Variants in TUSC3 observed in about 807,000 individuals in gnomAD.
TUSC3 encodes dolichyl-diphosphooligosaccharide--protein glycosyltransferase subunit TUSC3.
TUSC3 carries 45 observed loss-of-function variants against 44.8 expected under a neutral mutation model. The ratio of observed to expected loss-of-function variants is 1.00; its 90% CI spans 0.79 to 1.29. TUSC3 has a LOEUF of 1.29. Ranked by LOEUF, TUSC3 falls within the 50% of genes most tolerant of loss-of-function variation. The pLI is 0.00. For missense variants in TUSC3, 519 were observed against 437.9 expected, an observed-to-expected ratio of 1.19 and a Z score of -1.65; for synonymous variants, 212 against 152.9, an observed-to-expected ratio of 1.39 and a Z score of -2.85.
rs186911810 is a variant in TUSC3 at position 15,754,025 on chromosome 8, G to A, written c.1029-3766G>A. ...TATCCTGTGGTGAACATAGCACCAC[G>A]TTGTTAAAGAATATTTTGGTATTCC... On this transcript the variant is annotated intron_variant, in intron 9 of 10. Coordinates refer to ENST00000503731, the MANE Select transcript of TUSC3 (RefSeq NM_006765.4). 3.3e-4 allele frequency among the ~76,000 whole-genome samples: 50 copies of A among 152,148 alleles called. No homozygotes were observed. In the East Asian group the frequency reaches 6.6e-3, roughly 20 times the overall value.
At chr8:15,613,850 C>T (rs1804869468) in intron 1 of TUSC3, among the ~76,000 whole-genome samples, 1 of 152,100 alleles carries the variant, frequency 6.6e-6, no homozygotes. Context: ...GAATAGGGAG[C>T]TGAGATTCAT....
chr8:15,476,461 G>A (rs891013269), intron 1 of TUSC3, among the ~76,000 whole-genome samples: 1 of 152,152 alleles, frequency 6.6e-6, no homozygotes, highest in Non-Finnish European at 1.5e-5. Context: ...ACCAAAGTCA[G>A]TAAATTCTCA....
downstream of TUSC3, among the ~76,000 whole-genome samples, chr8:15,768,299 A>C (rs1812382629): frequency 6.6e-6 from 1 of 152,208 alleles, no homozygotes; most frequent in African/African-American, 2.4e-5. Flanking sequence ...CATAAACTGC[A>C]ATTCACAACA....
intron 1 of TUSC3, among the ~76,000 whole-genome samples, chr8:15,615,592 A>G (rs1804952616): frequency 6.6e-6 from 1 of 152,156 alleles, no homozygotes; most frequent in African/African-American, 2.4e-5. Flanking sequence ...TATACTATAT[A>G]TTTTCCAAAT....
At chr8:15,845,448 A>G in the TUSC3 span, among the ~76,000 whole-genome samples, 1 of 152,174 alleles carries the variant, frequency 6.6e-6, no homozygotes, top group African/African-American at 2.4e-5. Context: ...AGAGTGACCA[A>G]ATTACATTAG....
In TUSC3 at chr8:15,745,184, G is replaced by A. The variant is rs184611750; in HGVS notation, c.937+1572G>A. Reference sequence around the variant, plus strand: ...ATACCACATTTTCTTTATCTAGTCCGTCATTGATGTGGTATATATGTACCA... The same window carrying A: ...ATACCACATTTTCTTTATCTAGTCCATCATTGATGTGGTATATATGTACCA... On this transcript the variant is annotated intron_variant, in intron 8 of 10. Transcript: ENST00000503731. Among the ~76,000 whole-genome samples the A allele has an allele frequency of 6.9e-4, 105 of 151,988 alleles. No homozygotes were observed. In the East Asian group the frequency reaches 0.012, roughly 17 times the overall value.
At chr8:15,688,257 A>C (rs1484310244) in intron 6 of TUSC3, among the ~76,000 whole-genome samples, 1 of 152,094 alleles carries the variant, frequency 6.6e-6, no homozygotes, top group Non-Finnish European at 1.5e-5. Context: ...CTCATTTATA[A>C]CTCTACAATT....
At chr8:15,835,750 G>T in the TUSC3 span, among the ~76,000 whole-genome samples, 1 of 152,120 alleles carries the variant, frequency 6.6e-6, no homozygotes, top group South Asian at 2.1e-4. Context: ...GTATGTGTGC[G>T]TTGTGGGGTT....
chr8:15,427,390 T>C (rs1799817106), intron 1 of TUSC3, among the ~76,000 whole-genome samples: 1 of 151,938 alleles, frequency 6.6e-6, no homozygotes, highest in Admixed American at 6.6e-5. Flanking sequence ...TCTAGAATAA[T>C]AAATGGTCAT....
intron 2 of TUSC3, among the ~76,000 whole-genome samples, chr8:15,535,184 T>C (rs1415655614): frequency 6.6e-6 from 1 of 152,238 alleles, no homozygotes; most frequent in Admixed American, 6.5e-5. Context: ...GGTTAGATTC[T>C]GGAAATTAAT....
chr8:15,547,650 A>G (rs544249328), intron 1 of TUSC3, among the ~76,000 whole-genome samples: 1 of 99,540 alleles, frequency 1.0e-5, no homozygotes, highest in African/African-American at 3.5e-5. Context: ...CCTAACTTTG[A>G]GTGAGAAAGT....
At chr8:15,782,223 A>C in the TUSC3 span, among the ~76,000 whole-genome samples, 1 of 152,242 alleles carries the variant, frequency 6.6e-6, no homozygotes, top group Admixed American at 6.5e-5. Flanking sequence ...CTGTAGTCCC[A>C]GCACTTTGGG....
At chr8:15,758,920 C>A (rs1262705841) in intron 10 of TUSC3, among the ~76,000 whole-genome samples, 1 of 152,094 alleles carries the variant, frequency 6.6e-6, no homozygotes, top group Non-Finnish European at 1.5e-5. Flanking sequence ...GCCTAGATTT[C>A]TTTAGGCCTT....
At chr8:15,516,996 A>C (rs772632233) in intron 2 of TUSC3, among the ~76,000 whole-genome samples, 4 of 152,202 alleles carry the variant, frequency 2.6e-5, no homozygotes, top group Non-Finnish European at 5.9e-5. Context: ...TTTTAGAAAT[A>C]AGAAGTTCCT....
intron 1 of TUSC3, among the ~76,000 whole-genome samples, chr8:15,583,258 C>T (rs922786062): frequency 6.6e-6 from 1 of 152,178 alleles, no homozygotes; most frequent in South Asian, 2.1e-4. Context: ...TATTTGATCA[C>T]AGTGATTATA....
At chr8:15,443,275 C>T (rs547568820) in intron 1 of TUSC3, among the ~76,000 whole-genome samples, 1 of 151,526 alleles carries the variant, frequency 6.6e-6, no homozygotes, top group South Asian at 2.1e-4. Context: ...CTGGACTGAT[C>T]CTTCCACCTC....
chr8:15,539,744 T>G (rs895489785), upstream of TUSC3, among the ~76,000 whole-genome samples: 1 of 152,150 alleles, frequency 6.6e-6, no homozygotes, highest in African/African-American at 2.4e-5. Context: ...TCTGTACTTA[T>G]GCACTCCATG....
intron 6 of TUSC3, among the ~76,000 whole-genome samples, chr8:15,685,603 C>G (rs540043363): frequency 1.8e-4 from 27 of 152,170 alleles, no homozygotes; most frequent in Non-Finnish European, 3.5e-4. Context: ...GTGGTATTCA[C>G]TGCAGTCCTC....
chr8:15,715,410 G>A (rs979544844), intron 6 of TUSC3, among the ~76,000 whole-genome samples: 1 of 152,012 alleles, frequency 6.6e-6, no homozygotes, highest in East Asian at 1.9e-4. Context: ...CCTGTGATCT[G>A]TCAACCTGAT....
Sources: allele counts gnomAD v4.1 joint callset (sites outside exome capture counted in the v4.1 genomes callset), GRCh38; gene constraint gnomAD v4.1.1; transcripts MANE v1.5; gene names NCBI Gene and HGNC (gene_info 2026-07-23, HGNC 2026-07-21).